Variants in MYBPC1 observed in about 807,000 individuals in gnomAD.
MYBPC1 encodes the protein myosin binding protein C1, also known as myosin-binding protein C, slow-type.
In MYBPC1, 52 loss-of-function variants were observed where a neutral mutation model predicts 147.1. That is an observed-to-expected ratio of 0.35 (90% CI 0.28 to 0.45). The LOEUF (loss-of-function observed/expected upper bound fraction) is 0.45. Ranked by LOEUF, MYBPC1 falls within the 20% of genes least tolerant of loss-of-function variation. The probability of loss-of-function intolerance (pLI) is 1.00; values close to 1 mark genes in which losing one functional copy is unlikely to be tolerated. For missense variants in MYBPC1, 1,228 were observed against 1,440.3 expected, an observed-to-expected ratio of 0.85 and a Z score of 2.39; for synonymous variants, 477 against 475.9, an observed-to-expected ratio of 1.00 and a Z score of -0.03.
At chr12:101,626,733 A>C in intron 3 of MYBPC1, 139 bp from the exon 4 acceptor site, 1 of 765,860 alleles carries the variant, frequency 1.3e-6, no homozygotes, top group Non-Finnish European at 2.3e-6. Context: ...CTTTTCAGGT[A>C]CCAAGTTTTC....
chr12:101,626,990 C>T (rs1281728160), intron 4 of MYBPC1, 80 bp downstream of exon 4: 2 of 1,347,390 alleles, frequency 1.5e-6, no homozygotes, highest in East Asian at 2.3e-5. Context: ...GGCAGTGAGC[C>T]TCCTTGCTGA....
chr12:101,600,849 A>G (rs994878210), intron 1 of MYBPC1, among the ~76,000 whole-genome samples: 2 of 152,236 alleles, frequency 1.3e-5, no homozygotes, highest in Non-Finnish European at 2.9e-5. Flanking sequence ...ATGATAAAGA[A>G]CAGGATTAAA....
At chr12:101,613,291 G>A (rs1197233499) in intron 1 of MYBPC1, among the ~76,000 whole-genome samples, 5 of 152,132 alleles carry the variant, frequency 3.3e-5, no homozygotes, top group African/African-American at 9.7e-5. Context: ...ACACATAGTG[G>A]TGACTGTTCA....
intron 1 of MYBPC1, 143 bp from the exon 2 acceptor site, chr12:101,614,353 G>A: frequency 5.0e-6 from 4 of 800,746 alleles, no homozygotes; most frequent in East Asian, 5.3e-5. Context: ...AGAGAAGAGA[G>A]AATGTGTTTC....
At position 101,678,471 on chromosome 12, in the gene MYBPC1, A is replaced by T. The variant is rs116755632; in HGVS notation, c.3246+233A>T. The stretch of plus-strand genomic sequence containing the variant: ...TAAAGAAAAAGCAAACCACCTATTT[A>T]AAAAAGAACATCTCCTGTGTAAGGA... On this transcript the variant is annotated intron_variant, in intron 28 of 31. Transcript: ENST00000361466. 7.5e-3 allele frequency among the ~76,000 whole-genome samples: 1,135 copies of T among 152,324 alleles called. 18 individuals carry two copies. The highest frequency in any genetic ancestry group is 0.026 in the African/African-American group (1,094 of 41,572).
At chr12:101,625,401 G>A (rs1455757744) in intron 3 of MYBPC1, among the ~76,000 whole-genome samples, 3 of 152,090 alleles carry the variant, frequency 2.0e-5, no homozygotes, top group Admixed American at 6.5e-5. Flanking sequence ...AATGCTATGC[G>A]CATTTATACC....
At chr12:101,636,335 C>T (rs11110901) in intron 9 of MYBPC1, among the ~76,000 whole-genome samples, 11,671 of 152,190 alleles carry the variant, frequency 0.077, 604 homozygotes, top group Non-Finnish European at 0.11. Flanking sequence ...GTTTCTACAG[C>T]CCCCAACTTG....
chr12:101,609,290 TA>T (rs910767052), intron 1 of MYBPC1, among the ~76,000 whole-genome samples: 8 of 151,864 alleles, frequency 5.3e-5, no homozygotes, highest in African/African-American at 1.4e-4. Flanking sequence ...GTTTTAAAAT[TA>T]AAAAAAAATT....
In MYBPC1 at chr12:101,632,091, C is replaced by T. The variant is rs1271961630; in HGVS notation, c.509C>T (p.Thr170Ile). Reference protein sequence around the residue: ...NFAGNYRCEVTYKDKFDSCSF... With the variant: ...NFAGNYRCEVIYKDKFDSCSF... ...GCAGGAAATTACAGATGCGAGGTCA[C>T]CTATAAGGATAAGTTTGACAGCTGT... Residue 170 changes from threonine (T) to isoleucine (I), a missense_variant, in exon 8 of 32, where the codon ACC (threonine) becomes ATC (isoleucine). Thr to Ile is a moderately conservative substitution (Grantham distance 89, BLOSUM62 -1). Around this residue, in one of 2 missense-constraint regions of MYBPC1, gnomAD observed 1,077 missense variants for 1,314.2 expected, o/e 0.82. Transcript: ENST00000361466. 2.5e-6 allele frequency: 4 copies of T among 1,613,984 alleles called. No homozygotes were observed. Among genetic ancestry groups the T allele is most frequent in the Non-Finnish European group, 2.5e-6 (3 of 1,179,904 alleles).
intron 1 of MYBPC1, among the ~76,000 whole-genome samples, chr12:101,607,364 G>C (rs1380050533): frequency 6.6e-6 from 1 of 152,152 alleles, no homozygotes; most frequent in Admixed American, 6.5e-5. Context: ...GACAGTACAA[G>C]AGTTGGCCAG....
chr12:101,665,197 A>G (rs1303373252), intron 22 of MYBPC1, among the ~76,000 whole-genome samples: 1 of 152,202 alleles, frequency 6.6e-6, no homozygotes, highest in Non-Finnish European at 1.5e-5. Context: ...CCGTATATAC[A>G]TATGTATATG....
chr12:101,600,789 G>A (rs1039638144), intron 1 of MYBPC1, among the ~76,000 whole-genome samples: 3 of 152,170 alleles, frequency 2.0e-5, no homozygotes, highest in Admixed American at 6.5e-5. Flanking sequence ...CTGCCAGTAT[G>A]TTCTGTGGTA....
chr12:101,627,005 G>A, intron 4 of MYBPC1, 95 bp downstream of exon 4: 1 of 1,187,724 alleles, frequency 8.4e-7, no homozygotes, highest in Admixed American at 1.7e-5. Flanking sequence ...TGCTGAGTCA[G>A]TGCACAGAGC....
intron 1 of MYBPC1, among the ~76,000 whole-genome samples, chr12:101,612,239 AC>A (rs1327789329): frequency 1.3e-5 from 2 of 152,154 alleles, no homozygotes; most frequent in Non-Finnish European, 2.9e-5. Flanking sequence ...TAGAATTGGC[AC>A]CCTAAGAGGT....
At chr12:101,617,068 C>T in intron 2 of MYBPC1, 134 bp from the exon 3 acceptor site, 4 of 757,994 alleles carry the variant, frequency 5.3e-6, no homozygotes, top group Non-Finnish European at 6.9e-6. Context: ...TCATGTACAG[C>T]ACGAGTATTC....
At chr12:101,639,623 T>C (rs371488023) in intron 10 of MYBPC1, among the ~76,000 whole-genome samples, 77 of 152,180 alleles carry the variant, frequency 5.1e-4, no homozygotes, top group African/African-American at 1.9e-3. Flanking sequence ...TGAAAACTGG[T>C]GAGGATGATT....
At chr12:101,605,216 T>C (rs542694474) in intron 1 of MYBPC1, among the ~76,000 whole-genome samples, 108 of 152,342 alleles carry the variant, frequency 7.1e-4, no homozygotes, top group African/African-American at 2.5e-3. Flanking sequence ...ACTATTGCCC[T>C]TTTGTCTCTA....
intron 18 of MYBPC1, 120 bp downstream of exon 18, chr12:101,653,368 A>G: frequency 7.6e-7 from 1 of 1,318,612 alleles, no homozygotes; most frequent in Non-Finnish European, 1.1e-6. Flanking sequence ...GTACAGCAGT[A>G]CAGTAAAGAT....
In MYBPC1 at chr12:101,610,636, CCT is replaced by C. The variant is rs111761400; in HGVS notation, c.26-3859_26-3858del. On this transcript the variant is annotated intron_variant, in intron 1 of 31. Coordinates refer to ENST00000361466, the MANE Select transcript of MYBPC1 (RefSeq NM_002465.4). ...AATGCATTCATTCCTGCCAATAACC[CCT>C]GAGTTAGGCTGTGCTATTATTTCTC... Among the ~76,000 whole-genome samples, 103 of 152,242 alleles carry C rather than the reference CCT, an allele frequency of 6.8e-4. 1 individual carries two copies. The highest frequency in any genetic ancestry group is 2.5e-3 in the African/African-American group (103 of 41,532).
Sources: gnomAD v4.1 joint callset for allele counts (sites outside exome capture counted in the v4.1 genomes callset) on GRCh38, gnomAD v4.1.1 for gene constraint, gnomAD v4.1.1 regional missense constraint, MANE v1.5 for transcripts, NCBI Gene and HGNC (gene_info 2026-07-23, HGNC 2026-07-21) for gene names.